Variants in MTUS2 observed in about 807,000 individuals in gnomAD.
The protein encoded by MTUS2 is microtubule-associated tumor suppressor candidate 2.
Under a neutral mutation model 114.1 loss-of-function variants are expected in MTUS2, and 40 were observed. That is an observed-to-expected ratio of 0.35 (90% CI 0.27 to 0.46). MTUS2 has a LOEUF of 0.46. Among genes scored for constraint, MTUS2 ranks in the 20% least tolerant of loss-of-function variants. The pLI is 1.00. For missense variants in MTUS2, 1,679 were observed against 1,705.4 expected (o/e 0.98, Z 0.27); for synonymous variants, 688 against 672.0 (o/e 1.02, Z -0.37).
intron 7 of MTUS2, among the ~76,000 whole-genome samples, chr13:29,325,490 G>GGGAGGA (rs146701799): frequency 7.4e-6 from 1 of 134,850 alleles, no homozygotes; most frequent in African/African-American, 2.7e-5. Flanking sequence ...AAGAGGAAGA[G>GGGAGGA]GGAGGAGGAG....
At chr13:28,852,889 C>G (rs924527114) in intron 2 of MTUS2, among the ~76,000 whole-genome samples, 1 of 43,646 alleles carries the variant, frequency 2.3e-5, no homozygotes, top group Non-Finnish European at 5.3e-5. Flanking sequence ...ACAGAGCGAG[C>G]CTCTGTCTTA....
intron 4 of MTUS2, among the ~76,000 whole-genome samples, chr13:29,034,769 T>C (rs1886988182): frequency 6.6e-6 from 1 of 151,110 alleles, no homozygotes; most frequent in Non-Finnish European, 1.5e-5. Context: ...TGTAAAAGCG[T>C]TATCTGTAGG....
At chr13:29,370,211 A>G (rs1184127396) in intron 8 of MTUS2, among the ~76,000 whole-genome samples, 1 of 152,102 alleles carries the variant, frequency 6.6e-6, no homozygotes, top group South Asian at 2.1e-4. Context: ...ATGGTTTTTT[A>G]AAAAACGTGC....
intron 2 of MTUS2, among the ~76,000 whole-genome samples, chr13:28,867,980 C>T (rs1345937270): frequency 6.6e-6 from 1 of 152,174 alleles, no homozygotes; most frequent in Admixed American, 6.6e-5. Flanking sequence ...CCTGAAAACA[C>T]CATCACAAAT....
At position 29,317,418 on chromosome 13, in the gene MTUS2, C is replaced by T. The variant is rs192318696; in HGVS notation, c.2807-7195C>T. ...ACTCTCCTGAGTTCGCTTGTGCGCGCGCTCTCTCTCTCTCTTTTTTTTTTT... is the reference window on the plus strand; with the variant it reads ...ACTCTCCTGAGTTCGCTTGTGCGCGTGCTCTCTCTCTCTCTTTTTTTTTTT... On this transcript the variant is annotated intron_variant, in intron 6 of 15. Coordinates refer to ENST00000612955, the MANE Select transcript of MTUS2 (RefSeq NM_001033602.4). Among the ~76,000 whole-genome samples, 954 of 123,794 alleles carry T rather than the reference C, an allele frequency of 7.7e-3. 108 individuals carry two copies. The highest frequency in any genetic ancestry group is 0.028 in the African/African-American group (887 of 31,958). The allele number at this position is 123,794 out of a possible 152,430, so 81.2% of individuals were successfully genotyped here.
intron 9 of MTUS2, among the ~76,000 whole-genome samples, chr13:29,479,228 G>A (rs1039882933): frequency 6.6e-6 from 1 of 152,226 alleles, no homozygotes; most frequent in African/African-American, 2.4e-5. Flanking sequence ...GAATGTAAAT[G>A]ATGTGTCTGT....
intron 8 of MTUS2, among the ~76,000 whole-genome samples, chr13:29,372,513 T>G (rs1003073277): frequency 1.2e-4 from 1 of 8,690 alleles, no homozygotes; most frequent in African/African-American, 1.2e-4. Flanking sequence ...AGATCAACAC[T>G]CTACCTACAC....
intron 4 of MTUS2, among the ~76,000 whole-genome samples, chr13:29,091,741 A>G (rs1199303724): frequency 6.6e-6 from 1 of 152,168 alleles, no homozygotes; most frequent in African/African-American, 2.4e-5. Flanking sequence ...AGAAAGCCCT[A>G]CCCCAATCTC....
chr13:29,261,421 C>T (rs1593234841), intron 5 of MTUS2, among the ~76,000 whole-genome samples: 1 of 152,160 alleles, frequency 6.6e-6, no homozygotes, highest in Non-Finnish European at 1.5e-5. Flanking sequence ...GACTTGGTTT[C>T]TCAGGATTTG....
Position 29,346,352 on chromosome 13 carries a change from A to ACTCT in MTUS2, c.2906-12908_2906-12905dup, listed in dbSNP as rs539359932. On this transcript the variant is annotated intron_variant, in intron 7 of 15. Coordinates refer to ENST00000612955, the MANE Select transcript of MTUS2 (RefSeq NM_001033602.4). ...CAGATTTAGGCATGTCTGGGCTCAGACTCTCCTTGGTAGAGGGGGCTTCCT... is the reference window on the plus strand; with the variant it reads ...CAGATTTAGGCATGTCTGGGCTCAGACTCTCTCTCCTTGGTAGAGGGGGCTTCCT... Among the ~76,000 whole-genome samples, 90 of 151,770 alleles carry ACTCT rather than the reference A, an allele frequency of 5.9e-4. 2 individuals are homozygous for ACTCT. The Middle Eastern group carries it at 0.01, about 17-fold the overall frequency.
chr13:29,348,722 G>A (rs114881904), intron 7 of MTUS2, among the ~76,000 whole-genome samples: 11,554 of 152,202 alleles, frequency 0.076, 1,477 homozygotes, highest in African/African-American at 0.26. Flanking sequence ...TTTCCTCCAT[G>A]TATTCTGAAG....
intron 9 of MTUS2, 61 bp downstream of exon 9, chr13:29,440,110 T>C: frequency 6.7e-7 from 1 of 1,500,664 alleles, no homozygotes; most frequent in Non-Finnish European, 9.1e-7. Context: ...CCTGTGAATG[T>C]GTACCAAAAG....
rs1234264926 is a variant in MTUS2 at position 29,389,331 on chromosome 13, ATATATGTATGCACGTG to A, written c.3117+29860_3117+29875del. On this transcript the variant is annotated intron_variant, in intron 8 of 15. Coordinates refer to ENST00000612955, the MANE Select transcript of MTUS2 (RefSeq NM_001033602.4). The stretch of plus-strand genomic sequence containing the variant: ...TATATATGTATACACATATGTGTGT[ATATATGTATGCACGTG>A]TGTGTATATATGTATGCACGTGTGT... Among the ~76,000 whole-genome samples, 18 of 69,294 alleles carry A rather than the reference ATATATGTATGCACGTG, an allele frequency of 2.6e-4. 1 individual carries two copies. The highest frequency in any genetic ancestry group is 7.2e-4 in the African/African-American group (18 of 25,058). The allele number at this position is 69,294 out of a possible 152,430, so 45.5% of individuals were successfully genotyped here. A position where few individuals can be genotyped will look rare whatever the true frequency, so the allele number is the denominator to read the frequency against.
intron 11 of MTUS2, among the ~76,000 whole-genome samples, chr13:29,491,257 TGTAA>T (rs1443114282): frequency 6.1e-5 from 9 of 148,514 alleles, no homozygotes; most frequent in African/African-American, 2.2e-4. Flanking sequence ...GGGGAGGGCA[TGTAA>T]GTGTGTCCTT....
chr13:29,207,503 G>C (rs1009191773), intron 5 of MTUS2, among the ~76,000 whole-genome samples: 2 of 152,166 alleles, frequency 1.3e-5, no homozygotes, highest in African/African-American at 2.4e-5. Context: ...ACTGGTTCCA[G>C]TTCTCAGAGG....
Position 29,440,002 on chromosome 13 carries a change from A to G in MTUS2, c.3137A>G (p.Lys1046Arg). ...TTTCAGAATGAAAGTGCCCTTGTGA[A>G]AGAAAAAGAGCTGTCAATCGAACTT... Reference protein sequence around the residue: ...FFRKNESALVKEKELSIELAN... With the variant: ...FFRKNESALVREKELSIELAN... Residue 1046 changes from lysine (K) to arginine (R), a missense_variant, in exon 9 of 16, where the codon AAA becomes AGA. Lys to Arg is a conservative substitution (Grantham distance 26, BLOSUM62 2). Around this residue, in one of 3 missense-constraint regions of MTUS2, gnomAD observed 822 missense variants for 899.7 expected, o/e 0.91. Coordinates refer to ENST00000612955, the MANE Select transcript of MTUS2 (RefSeq NM_001033602.4). The G allele has an allele frequency of 3.8e-6, 6 of 1,587,714 alleles. No homozygotes were observed. Among genetic ancestry groups the G allele is most frequent in the Non-Finnish European group, 5.1e-6 (6 of 1,165,228 alleles).
intron 5 of MTUS2, among the ~76,000 whole-genome samples, chr13:29,232,312 A>T (rs59353230): frequency 6.7e-6 from 1 of 148,980 alleles, no homozygotes; most frequent in Non-Finnish European, 1.5e-5. Context: ...GCGCGCACAC[A>T]CACACACACA....
At chr13:28,945,095 A>G (rs547726624) in intron 2 of MTUS2, among the ~76,000 whole-genome samples, 5 of 152,102 alleles carry the variant, frequency 3.3e-5, no homozygotes, top group Non-Finnish European at 7.4e-5. Context: ...TTTCTGAATT[A>G]TTTCACTTAA....
At chr13:29,117,622 C>T (rs1006105512) in intron 5 of MTUS2, among the ~76,000 whole-genome samples, 1 of 152,162 alleles carries the variant, frequency 6.6e-6, no homozygotes, top group East Asian at 1.9e-4. Context: ...ATAAGTGGGA[C>T]AGGAAAGCGG....
Sources: gnomAD v4.1 joint callset for allele counts (sites outside exome capture counted in the v4.1 genomes callset) on GRCh38, gnomAD v4.1.1 for gene constraint, gnomAD v4.1.1 regional missense constraint, MANE v1.5 for transcripts, NCBI Gene and HGNC (gene_info 2026-07-23, HGNC 2026-07-21) for gene names.